LRGUK: variants seen among roughly 807,000 people sequenced by gnomAD.
LRGUK encodes the protein leucine rich repeats and guanylate kinase domain containing.
Under a neutral mutation model 76.0 loss-of-function variants are expected in LRGUK, and 65 were observed. The ratio of observed to expected loss-of-function variants is 0.85; its 90% CI spans 0.70 to 1.05. The LOEUF (loss-of-function observed/expected upper bound fraction) is 1.05. LRGUK is among the 50% of genes least tolerant of loss of function. LRGUK has a pLI of 0.00. For missense variants in LRGUK, 758 were observed against 732.8 expected (o/e 1.03, Z -0.40); for synonymous variants, 268 against 265.6 (o/e 1.01, Z -0.09).
intron 15 of LRGUK, among the ~76,000 whole-genome samples, chr7:134,220,184 T>C (rs1223873513): frequency 6.6e-6 from 1 of 152,244 alleles, no homozygotes; most frequent in Non-Finnish European, 1.5e-5. Context: ...TGTCACTTTG[T>C]GATTAAACAC....
downstream of LRGUK, among the ~76,000 whole-genome samples, chr7:134,214,125 G>A (rs1801368651): frequency 6.6e-6 from 1 of 152,072 alleles, no homozygotes; most frequent in South Asian, 2.1e-4. Flanking sequence ...TTGAACAAAG[G>A]GCATGATTGG....
chr7:134,180,411 T>C (rs1428233681), intron 10 of LRGUK, among the ~76,000 whole-genome samples: 1 of 152,174 alleles, frequency 6.6e-6, no homozygotes, highest in Non-Finnish European at 1.5e-5. Context: ...TCTGTGTCTA[T>C]CTATAGATAG....
At chr7:134,177,735 G>A (rs543875734) in intron 9 of LRGUK, among the ~76,000 whole-genome samples, 5 of 152,188 alleles carry the variant, frequency 3.3e-5, no homozygotes, top group African/African-American at 4.8e-5. Flanking sequence ...AGAGAGGCAC[G>A]TATTCCATCT....
chr7:134,217,100 A>G (rs1801452553), intron 15 of LRGUK, among the ~76,000 whole-genome samples: 1 of 150,218 alleles, frequency 6.7e-6, no homozygotes, highest in South Asian at 2.1e-4. Flanking sequence ...TACCTGTTCT[A>G]TGTGTTTTAT....
intron 18 of LRGUK, among the ~76,000 whole-genome samples, chr7:134,256,016 G>T (rs546072969): frequency 6.6e-6 from 1 of 151,968 alleles, no homozygotes; most frequent in Non-Finnish European, 1.5e-5. Context: ...GCCCCCTGTC[G>T]CCTGTGTCAA....
At chr7:134,175,746 C>T (rs919014705) in intron 8 of LRGUK, among the ~76,000 whole-genome samples, 4 of 152,020 alleles carry the variant, frequency 2.6e-5, no homozygotes, top group African/African-American at 7.2e-5. Flanking sequence ...ACAGATCATC[C>T]GCTAATATCT....
At chr7:134,252,163 A>T (rs112016789) in intron 18 of LRGUK, among the ~76,000 whole-genome samples, 3,696 of 149,744 alleles carry the variant, frequency 0.025, 100 homozygotes, top group African/African-American at 0.063. Flanking sequence ...ACATAGTGAG[A>T]CTCTGTTTAT....
At chr7:134,173,249 C>T (rs148900018) in intron 7 of LRGUK, among the ~76,000 whole-genome samples, 18 of 152,202 alleles carry the variant, frequency 1.2e-4, no homozygotes, top group Admixed American at 4.6e-4. Context: ...TGGTGTTCAC[C>T]TTTCATATTG....
intron 15 of LRGUK, among the ~76,000 whole-genome samples, chr7:134,218,092 G>T (rs1366711631): frequency 2.0e-5 from 3 of 152,114 alleles, no homozygotes; most frequent in Non-Finnish European, 4.4e-5. Flanking sequence ...CTCCCGAGTA[G>T]CTGGGATTAC....
rs965092845 is a variant in LRGUK, at chr7:134,183,693, C to G, written c.1215-41C>G. On this transcript the variant is annotated intron_variant, in intron 10 of 15. Transcript: ENST00000645682. ...TGGATGTAGTTAATGTGCTGTCTCC[C>G]TGACTGCAATAGGAGAACTGACTCT... 3 of 1,611,018 alleles carry G rather than the reference C, an allele frequency of 1.9e-6. No individual in the cohort carries two copies. In the African/African-American group the frequency reaches 4.0e-5, roughly 22 times the overall value.
intron 9 of LRGUK, 40 bp from the exon 10 acceptor site, chr7:134,178,462 CA>C (rs1554464023): frequency 6.7e-7 from 1 of 1,497,328 alleles, no homozygotes; most frequent in Non-Finnish European, 9.2e-7. Context: ...TTTTTAGAAA[CA>C]AAACTTTTTT....
At chr7:134,238,018 C>T (rs1012506216) in intron 16 of LRGUK, among the ~76,000 whole-genome samples, 2 of 152,000 alleles carry the variant, frequency 1.3e-5, no homozygotes, top group South Asian at 2.1e-4. Flanking sequence ...TAATGAAAAC[C>T]AAAAAATAGT....
chr7:134,271,726 A>T, the LRGUK span, among the ~76,000 whole-genome samples: 1 of 151,958 alleles, frequency 6.6e-6, no homozygotes, highest in African/African-American at 2.4e-5. Context: ...GTTTTCATTA[A>T]TTTCTTCAAT....
chr7:134,176,681 A>C (rs191414264), intron 8 of LRGUK, among the ~76,000 whole-genome samples: 1 of 152,244 alleles, frequency 6.6e-6, no homozygotes, highest in African/African-American at 2.4e-5. Flanking sequence ...TGCCCGGCCA[A>C]TTAAATTAAA....
chr7:134,168,414 A>G (rs1386113846), intron 7 of LRGUK, among the ~76,000 whole-genome samples: 3 of 152,158 alleles, frequency 2.0e-5, no homozygotes, highest in Non-Finnish European at 2.9e-5. Context: ...GACCCTCAGG[A>G]GCTCTCAGGA....
At chr7:134,212,314 AC>A (rs1181197821), downstream of LRGUK, among the ~76,000 whole-genome samples, 2 of 152,268 alleles carry the variant, frequency 1.3e-5, no homozygotes, top group African/African-American at 4.8e-5. Context: ...GAAACGGACA[AC>A]TCAAGATGTG....
At chr7:134,208,350 T>C (rs1353505708) in intron 15 of LRGUK, among the ~76,000 whole-genome samples, 3 of 152,208 alleles carry the variant, frequency 2.0e-5, no homozygotes, top group African/African-American at 7.2e-5. Flanking sequence ...AAAAACAGCA[T>C]TGATCTCTAA....
intron 7 of LRGUK, among the ~76,000 whole-genome samples, chr7:134,172,842 T>G: frequency 6.6e-6 from 1 of 151,610 alleles, no homozygotes; most frequent in Admixed American, 6.6e-5. Flanking sequence ...TTAGCTAGGC[T>G]TGGCAGTGCA....
exon 1 of LRGUK, chr7:134,127,555 A>G (rs1939634021): frequency 1.9e-6 from 3 of 1,614,222 alleles, no homozygotes; most frequent in Non-Finnish European, 2.5e-6. Context: ...TACCTGCTCC[A>G]GCAGCTCATG....
Sources: gnomAD v4.1 joint callset for allele counts (sites outside exome capture counted in the v4.1 genomes callset) on GRCh38, gnomAD v4.1.1 for gene constraint, MANE v1.5 for transcripts, NCBI Gene and HGNC (gene_info 2026-07-23, HGNC 2026-07-21) for gene names.